ABHD12: variants seen among roughly 807,000 people sequenced by gnomAD.
ABHD12 encodes the protein lysophosphatidylserine lipase ABHD12.
In ABHD12, 43 loss-of-function variants were observed where a neutral mutation model predicts 58.3. That is an observed-to-expected ratio of 0.74 (90% CI 0.58 to 0.95). The LOEUF is 0.95. Among genes scored for constraint, ABHD12 ranks in the 40% least tolerant of loss-of-function variants. The pLI, the probability that ABHD12 is intolerant of heterozygous loss-of-function variation, is 0.00. For missense variants in ABHD12, 539 were observed against 537.2 expected, an observed-to-expected ratio of 1.00 and a Z score of -0.03; for synonymous variants, 219 against 211.2, an observed-to-expected ratio of 1.04 and a Z score of -0.32.
At chr20:25,326,980 C>T (rs949213540) in intron 2 of ABHD12, among the ~76,000 whole-genome samples, 24 of 152,330 alleles carry the variant, frequency 1.6e-4, no homozygotes, top group African/African-American at 5.8e-4. Flanking sequence ...ATAGTAATGC[C>T]TTTGCCATGC....
chr20:25,339,449 C>T, intron 1 of ABHD12, 98 bp from the exon 2 acceptor site: 1 of 1,575,898 alleles, frequency 6.3e-7, no homozygotes, highest in Non-Finnish European at 8.7e-7. Context: ...AAGAGCCACA[C>T]ATATTTTTTT....
downstream of ABHD12, chr20:25,296,553 ATT>A: frequency 6.3e-7 from 1 of 1,588,694 alleles, no homozygotes; most frequent in Non-Finnish European, 8.6e-7. Context: ...ACCAGCGGGC[ATT>A]TGTTTTCTTG....
chr20:25,303,224 G>A (rs2088669833), intron 11 of ABHD12: 17 of 1,216,948 alleles, frequency 1.4e-5, no homozygotes, highest in Non-Finnish European at 1.8e-5. Context: ...TCCCAGGTTG[G>A]CCTGGGCTCT....
chr20:25,316,749 G>A (rs1370944746), intron 5 of ABHD12, among the ~76,000 whole-genome samples: 1 of 152,150 alleles, frequency 6.6e-6, no homozygotes, highest in Non-Finnish European at 1.5e-5. Context: ...AGCAACATAG[G>A]GAGACCTCAT....
chr20:25,322,381 A>ATATATATATATATATATATATAT, intron 3 of ABHD12, among the ~76,000 whole-genome samples: 8 of 59,270 alleles, frequency 1.3e-4, no homozygotes, highest in African/African-American at 5.0e-4. Flanking sequence ...ATATATATAT[A>ATATATATATATATATATATATAT]TTTTTTTTTT....
intron 8 of ABHD12, 52 bp from the exon 9 acceptor site, chr20:25,308,097 A>G: frequency 1.6e-6 from 2 of 1,284,258 alleles, no homozygotes; most frequent in Non-Finnish European, 2.3e-6. Context: ...AGCGACATAC[A>G]TGTGGCCTGT....
intron 1 of ABHD12, among the ~76,000 whole-genome samples, chr20:25,358,106 A>G (rs1300231860): frequency 6.6e-6 from 1 of 152,198 alleles, no homozygotes; most frequent in African/African-American, 2.4e-5. Context: ...TTTCCTAATC[A>G]TGTTGGAAGT....
intron 1 of ABHD12, among the ~76,000 whole-genome samples, chr20:25,345,086 CTTTTT>C (rs766065775): frequency 6.9e-6 from 1 of 145,332 alleles, no homozygotes; most frequent in Non-Finnish European, 1.5e-5. Flanking sequence ...ATGACGAAGA[CTTTTT>C]TTTTTTTTTC....
At chr20:25,367,862 A>C (rs757918702) in intron 1 of ABHD12, among the ~76,000 whole-genome samples, 27 of 152,362 alleles carry the variant, frequency 1.8e-4, no homozygotes, top group Non-Finnish European at 3.2e-4. Context: ...ACATGGGTGT[A>C]CAAATAAATG....
intron 1 of ABHD12, among the ~76,000 whole-genome samples, chr20:25,389,423 A>G (rs1444546282): frequency 2.6e-5 from 4 of 152,180 alleles, no homozygotes; most frequent in African/African-American, 7.2e-5. Context: ...TTTACACTCA[A>G]GTGGCCAGCG....
chr20:25,307,992 C>A lies in ABHD12; in HGVS notation c.841G>T (p.Glu281Ter). ...ACTGAAAATGGATGGCTCTTAGCTT[C>A]TTCGCGGATATTAGTGAATGGAGAT... ...LESPFTNIRE[E>*]AKSHPFSVIY... Residue 281 changes from glutamate (E) to a stop codon, truncating the protein, a stop_gained, in exon 9 of 13, where the codon GAA becomes TAA. Transcript: ENST00000339157. LOFTEE classifies it high-confidence loss of function. 6.2e-7 allele frequency: 1 copy of A among 1,609,152 alleles called. No individual in the cohort carries two copies. Among genetic ancestry groups the A allele is most frequent in the East Asian group, 2.2e-5 (1 of 44,884 alleles).
Position 25,390,598 on chromosome 20 carries a change from G to GGCGGCAGTCGGCGTCCAGCGCC in ABHD12, c.84_105dup (p.Leu36GlyfsTer21). 6.8e-7 allele frequency: 1 copy of GGCGGCAGTCGGCGTCCAGCGCC among 1,471,274 alleles called. No individual in the cohort carries two copies. Among genetic ancestry groups the GGCGGCAGTCGGCGTCCAGCGCC allele is most frequent in the Non-Finnish European group, 8.9e-7 (1 of 1,117,578 alleles). 91.1% of individuals were successfully genotyped at this position (1,471,274 alleles called of 1,614,324 possible). On this transcript the variant is annotated frameshift_variant, in exon 1 of 13. Coordinates refer to ENST00000339157, the MANE Select transcript of ABHD12 (RefSeq NM_001042472.3). LOFTEE classifies it high-confidence loss of function. ...CCCGTCAGGCGTAGGTTCTGCTTCA[G>GGCGGCAGTCGGCGTCCAGCGCC]GCGGCAGTCGGCGTCCAGCGCCGCG...
At chr20:25,379,334 GA>G (rs2089996338) in intron 1 of ABHD12, among the ~76,000 whole-genome samples, 3 of 152,170 alleles carry the variant, frequency 2.0e-5, no homozygotes, top group Admixed American at 2.0e-4. Context: ...GGGGAACTGA[GA>G]GAGAGAGGCC....
chr20:25,348,467 A>C (rs969078915), intron 1 of ABHD12, among the ~76,000 whole-genome samples: 1 of 128,408 alleles, frequency 7.8e-6, no homozygotes, highest in Non-Finnish European at 1.7e-5. Flanking sequence ...AAAAAAAAAA[A>C]CAAATGCGCT....
Position 25,356,102 on chromosome 20 carries a change from G to A in ABHD12, c.192-16751C>T, listed in dbSNP as rs113720555. On this transcript the variant is annotated intron_variant, in intron 1 of 12. Coordinates refer to ENST00000339157, the MANE Select transcript of ABHD12 (RefSeq NM_001042472.3). ...CTGTTTCTATTGATGCAGTTTCTGC[G>A]CTTGGTGGTGATGAAGAAGGGCATA... is the stretch of plus-strand genomic sequence containing the variant. 9.8e-5 allele frequency among the ~76,000 whole-genome samples: 15 copies of A among 152,290 alleles called. No homozygotes were observed. The South Asian group carries it at 1.4e-3, about 15-fold the overall frequency.
chr20:25,302,313 G>A lies in ABHD12; in HGVS notation c.1063C>T (p.Arg355Ter), dbSNP rs200536497. Residue 355 changes from arginine to a stop codon, truncating the protein, a stop_gained, in exon 12 of 13, where the codon CGA (arginine) becomes TGA (stop). Transcript: ENST00000339157. LOFTEE classifies it high-confidence loss of function. ...YSIAAPARSF[R>*]DFKVQFVPFH... is the part of the protein sequence containing the mutation. ...GGCACAAACTGAACTTTGAAATCTC[G>A]GAAGCTTCGAGCTGGTGCGGCGATG... 31 of 1,613,612 alleles carry A rather than the reference G, an allele frequency of 1.9e-5. No individual in the cohort carries two copies. Among genetic ancestry groups the A allele is most frequent in the Non-Finnish European group, 2.5e-5 (29 of 1,179,992 alleles).
At chr20:25,344,428 A>G (rs958147717) in intron 1 of ABHD12, among the ~76,000 whole-genome samples, 5 of 152,218 alleles carry the variant, frequency 3.3e-5, no homozygotes, top group Non-Finnish European at 7.3e-5. Context: ...TGCCATTTAC[A>G]TTAGCAACCC....
Position 25,345,088 on chromosome 20 carries a change from T to TC in ABHD12, c.192-5738_192-5737insG, listed in dbSNP as rs556566185. On this transcript the variant is annotated intron_variant, in intron 1 of 12. Transcript: ENST00000339157. Reference sequence around the variant, plus strand: ...GGTGAACTTGGGTATGACGAAGACTTTTTTTTTTTTTTCTGGAGATGGAGT... The same window carrying TC: ...GGTGAACTTGGGTATGACGAAGACTTCTTTTTTTTTTTTCTGGAGATGGAGT... Among the ~76,000 whole-genome samples the TC allele has an allele frequency of 1.7e-4, 25 of 149,140 alleles. No individual in the cohort carries two copies. In the East Asian group the frequency reaches 3.5e-3, roughly 21 times the overall value.
rs1193134988 is a variant in ABHD12 at position 25,368,441 on chromosome 20, G to C, written c.191+22072C>G. The C allele has an allele frequency of 2.5e-6, 4 of 1,598,906 alleles. No homozygotes were observed. The Admixed American group carries it at 6.7e-5, about 27-fold the overall frequency. On this transcript the variant is annotated intron_variant, in intron 1 of 12. Coordinates refer to ENST00000339157, the MANE Select transcript of ABHD12 (RefSeq NM_001042472.3). The stretch of plus-strand genomic sequence containing the variant: ...CTTGGCAGTGCAGATGAAAAACTGG[G>C]AACCGTTTGTGTTGGGTCCAGCATT...
Sources: gnomAD v4.1 joint callset for allele counts (sites outside exome capture counted in the v4.1 genomes callset) on GRCh38, gnomAD v4.1.1 for gene constraint, MANE v1.5 for transcripts, NCBI Gene and HGNC (gene_info 2026-07-23, HGNC 2026-07-21) for gene names.